CTHRC1: variants seen among roughly 807,000 people sequenced by gnomAD.
CTHRC1 encodes the protein collagen triple helix repeat-containing protein 1.
A neutral mutation model predicts 25.9 loss-of-function variants in CTHRC1; 21 were observed. The observed-to-expected ratio is 0.81, with a 90% CI of 0.57 to 1.17. CTHRC1 has a LOEUF of 1.17. Among genes scored for constraint, CTHRC1 ranks in the 50% most tolerant of loss-of-function variants. The pLI, the probability that CTHRC1 is intolerant of heterozygous loss-of-function variation, is 0.00. For synonymous variants in CTHRC1, 109 were observed against 113.1 expected, an observed-to-expected ratio of 0.96 and a Z score of 0.23; for missense variants, 281 against 304.3, an observed-to-expected ratio of 0.92 and a Z score of 0.57.
At position 103,371,699 on chromosome 8, in the gene CTHRC1, G is replaced by A; in HGVS notation, c.43G>A (p.Gly15Ser). ...CGCCGCCTCCCCGCAGCGGCTCCGC[G>A]GCCTCCTGCTGCTCCTGCTGCTGCA... ...GPAASPQRLRGLLLLLLLQLP... is the reference protein window; with the variant it reads ...GPAASPQRLRSLLLLLLLQLP... Residue 15 changes from glycine (G) to serine (S), a missense_variant, in exon 1 of 4, where the codon GGC becomes AGC. Gly to Ser is a moderately conservative substitution (Grantham distance 56). Coordinates refer to ENST00000330295, the MANE Select transcript of CTHRC1 (RefSeq NM_138455.4). The A allele has an allele frequency of 3.3e-6, 5 of 1,533,388 alleles. No homozygotes were observed. Among genetic ancestry groups the A allele is most frequent in the Admixed American group, 2.0e-5 (1 of 49,788 alleles). 95.0% of individuals were successfully genotyped at this position (1,533,388 alleles called of 1,614,324 possible).
chr8:103,371,815 G>C lies in CTHRC1; in HGVS notation c.150+9G>C. ...GGGAGGTGGTGGACCTGGTGAGTCCGAGGGAGCCGAGCCGGGACCGCCGCG... is the reference window on the plus strand; with the variant it reads ...GGGAGGTGGTGGACCTGGTGAGTCCCAGGGAGCCGAGCCGGGACCGCCGCG... On this transcript the variant is annotated intron_variant, in intron 1 of 3. Coordinates refer to ENST00000330295, the MANE Select transcript of CTHRC1 (RefSeq NM_138455.4). 6.7e-7 allele frequency: 1 copy of C among 1,499,172 alleles called. No homozygotes were observed. The highest frequency in any genetic ancestry group is 8.9e-7 in the Non-Finnish European group (1 of 1,124,366). The allele number at this position is 1,499,172 out of a possible 1,614,324, so 92.9% of individuals were successfully genotyped here.
chr8:103,378,493 T>C (rs1371273154), intron 3 of CTHRC1, among the ~76,000 whole-genome samples: 1 of 152,226 alleles, frequency 6.6e-6, no homozygotes, highest in Non-Finnish European at 1.5e-5. Flanking sequence ...TCTGTGTTTT[T>C]TAAAAGATCC....
intron 2 of CTHRC1, among the ~76,000 whole-genome samples, chr8:103,376,290 G>T (rs1815806994): frequency 6.6e-6 from 1 of 152,152 alleles, no homozygotes; most frequent in Admixed American, 6.5e-5. Flanking sequence ...TTTAGTCTAA[G>T]AAATTCTGTC....
chr8:103,378,112 G>A lies in CTHRC1; in HGVS notation c.458G>A (p.Cys153Tyr), dbSNP rs1268775436. Residue 153 changes from cysteine to tyrosine, a missense_variant, in exon 3 of 4, where the codon TGC becomes TAC. Physicochemically the swap from Cys to Tyr is radical, Grantham distance 194. Transcript: ENST00000330295. ...CTTCGGCTAAAATGCAGAAATGCAT[G>A]CTGTCAGCGTTGGTATTTCACATTC... is the stretch of plus-strand genomic sequence containing the variant. ...GSLRLKCRNA[C>Y]CQRWYFTFNG... is the part of the protein sequence containing the mutation. 3 of 1,614,162 alleles carry A rather than the reference G, an allele frequency of 1.9e-6. No homozygotes were observed. The highest frequency in any genetic ancestry group is 3.3e-5 in the Admixed American group (2 of 60,034).
chr8:103,378,019 T>C lies in CTHRC1; in HGVS notation c.373-8T>C. On this transcript the variant is annotated splice_region_variant and splice_polypyrimidine_tract_variant and intron_variant, in intron 2 of 3. Coordinates refer to ENST00000330295, the MANE Select transcript of CTHRC1 (RefSeq NM_138455.4). ...GTTAATTAAATCCCATTTCTATGTTTGTGACAGGAGTGTACATTTACAAAG... is the reference window on the plus strand; with the variant it reads ...GTTAATTAAATCCCATTTCTATGTTCGTGACAGGAGTGTACATTTACAAAG... 6.2e-7 allele frequency: 1 copy of C among 1,601,740 alleles called. No individual in the cohort carries two copies. Among genetic ancestry groups the C allele is most frequent in the Non-Finnish European group, 8.6e-7 (1 of 1,168,624 alleles).
Position 103,382,597 on chromosome 8 carries a change from A to G in CTHRC1, c.729A>G (p.Lys243=). The G allele has an allele frequency of 6.2e-7, 1 of 1,612,016 alleles. No homozygotes were observed. Among genetic ancestry groups the G allele is most frequent in the South Asian group, 1.1e-5 (1 of 91,060 alleles). Residue 243 remains lysine (K), a synonymous_variant, in exon 4 of 4, where the codon AAA becomes AAG. Coordinates refer to ENST00000330295, the MANE Select transcript of CTHRC1 (RefSeq NM_138455.4). ...GCATCATTATTGAAGAACTACCAAA[A>G]TAAATGCTTTAATTTTCATTTGCTA... ...VSRIIIEELP[K]
chr8:103,372,591 G>A (rs1199337265), intron 1 of CTHRC1: 2 of 1,598,258 alleles, frequency 1.3e-6, no homozygotes, highest in Non-Finnish European at 1.7e-6. Flanking sequence ...CAAGCTACGG[G>A]AGAAAACAGT....
intron 1 of CTHRC1, among the ~76,000 whole-genome samples, chr8:103,375,270 G>C (rs1470231692): frequency 2.0e-5 from 3 of 152,128 alleles, no homozygotes; most frequent in African/African-American, 7.2e-5. Flanking sequence ...AGAAGAAAAA[G>C]GCTGTATGGA....
chr8:103,382,487 G>A lies in CTHRC1; in HGVS notation c.619G>A (p.Gly207Arg), dbSNP rs1050134230. 1 of 1,613,762 alleles carries A rather than the reference G, an allele frequency of 6.2e-7. No homozygotes were observed. ...VEGLCEGIGAGLVDVAIWVGT... is the reference protein window; with the variant it reads ...VEGLCEGIGARLVDVAIWVGT... ...AGGACTTTGTGAAGGAATTGGTGCT[G>A]GATTAGTGGATGTTGCTATCTGGGT... The change falls in exon 4 of 4, where the codon GGA becomes AGA. Residue 207 changes from glycine (G) to arginine (R), a missense_variant. Coordinates refer to ENST00000330295, the MANE Select transcript of CTHRC1 (RefSeq NM_138455.4).
chr8:103,382,401 T>C (rs1815928999), intron 3 of CTHRC1, 57 bp from the exon 4 acceptor site: 3 of 1,572,870 alleles, frequency 1.9e-6, no homozygotes, highest in Admixed American at 1.7e-5. Context: ...AAAATTTAAC[T>C]AAAGGATTTT....
chr8:103,371,989 G>T (rs1452167866), intron 1 of CTHRC1, among the ~76,000 whole-genome samples, 183 bp downstream of exon 1: 1 of 152,212 alleles, frequency 6.6e-6, no homozygotes, highest in Admixed American at 6.5e-5. Context: ...CTGGTTATGC[G>T]TGCAGTGAGT....
chr8:103,382,739 A>G lies in CTHRC1; in HGVS notation c.*139A>G, dbSNP rs1255602739. ...TGTTTACAGACCAAAGTGTGATTTC[A>G]CACTGTTTTTAAATCTAGCATTATT... On this transcript the variant is annotated 3_prime_UTR_variant, in exon 4 of 4. Transcript: ENST00000330295. The G allele has an allele frequency of 2.4e-5, 20 of 833,912 alleles. No individual in the cohort carries two copies. Among genetic ancestry groups the G allele is most frequent in the South Asian group, 2.3e-4 (17 of 73,388 alleles). The allele number at this position is 833,912 out of a possible 1,614,324, so 51.7% of individuals were successfully genotyped here. A position where few individuals can be genotyped will look rare whatever the true frequency, so the allele number is the denominator to read the frequency against.
chr8:103,373,892 C>A (rs1815757870), intron 1 of CTHRC1, among the ~76,000 whole-genome samples: 1 of 151,870 alleles, frequency 6.6e-6, no homozygotes, highest in South Asian at 2.1e-4. Flanking sequence ...CAGAAGCAGT[C>A]TTATTCCCAT....
intron 1 of CTHRC1, chr8:103,372,469 C>T (rs1283315510): frequency 2.5e-6 from 4 of 1,574,528 alleles, no homozygotes; most frequent in South Asian, 2.3e-5. Flanking sequence ...TGAAGGGGCC[C>T]GGCGCTAACC....
chr8:103,375,828 C>G lies in CTHRC1; in HGVS notation c.241C>G (p.Pro81Ala). 1 of 1,613,990 alleles carries G rather than the reference C, an allele frequency of 6.2e-7. No homozygotes were observed. The highest frequency in any genetic ancestry group is 8.5e-7 in the Non-Finnish European group (1 of 1,180,004). ...ANGIPGTPGIPGRDGFKGEKG... is the reference protein window; with the variant it reads ...ANGIPGTPGIAGRDGFKGEKG... ...TGGCATTCCGGGTACACCTGGGATC[C>G]CAGGTCGGGATGGATTCAAAGGAGA... Residue 81 changes from proline (P) to alanine (A), a missense_variant, in exon 2 of 4, where the codon CCA becomes GCA. By Grantham distance (27) the Pro-to-Ala change is conservative. Transcript: ENST00000330295.
At chr8:103,374,250 CCAGA>C (rs530961044) in intron 1 of CTHRC1, among the ~76,000 whole-genome samples, 83 of 152,154 alleles carry the variant, frequency 5.5e-4, no homozygotes, top group Non-Finnish European at 8.7e-4. Context: ...AGGATTCTTC[CCAGA>C]CAACTATTGG....
intron 3 of CTHRC1, 131 bp from the exon 4 acceptor site, chr8:103,382,327 A>T: frequency 1.2e-6 from 1 of 849,076 alleles, no homozygotes; most frequent in Non-Finnish European, 1.9e-6. Flanking sequence ...AAACCTTATC[A>T]AGTATTAAAA....
intron 2 of CTHRC1, among the ~76,000 whole-genome samples, chr8:103,377,715 C>T (rs549284598): frequency 3.3e-5 from 5 of 152,300 alleles, no homozygotes; most frequent in South Asian, 2.1e-4. Flanking sequence ...GCGATTCTCA[C>T]GTCTCAGCCT....
chr8:103,377,436 C>A, intron 2 of CTHRC1: 1 of 154,486 alleles, frequency 6.5e-6, no homozygotes, highest in Non-Finnish European at 1.4e-5. Flanking sequence ...TTGATTTTAT[C>A]AAAAGTACTG....
Sources: allele counts gnomAD v4.1 joint callset (sites outside exome capture counted in the v4.1 genomes callset), GRCh38; gene constraint gnomAD v4.1.1; transcripts MANE v1.5; gene names NCBI Gene and HGNC (gene_info 2026-07-23, HGNC 2026-07-21).